The following SNRNP40 variants were observed in gnomAD, a reference collection of about 807,000 sequenced individuals.
The protein encoded by SNRNP40 is small nuclear ribonucleoprotein U5 subunit 40.
Under a neutral mutation model 45.8 loss-of-function variants are expected in SNRNP40, and 21 were observed. The ratio of observed to expected loss-of-function variants is 0.46; its 90% CI spans 0.32 to 0.66. The LOEUF is 0.66. Among genes scored for constraint, SNRNP40 ranks in the 30% least tolerant of loss-of-function variants. The pLI, the probability that SNRNP40 is intolerant of heterozygous loss-of-function variation, is 0.03. For missense variants in SNRNP40, 344 were observed against 439.1 expected, an observed-to-expected ratio of 0.78 and a Z score of 1.94; for synonymous variants, 142 against 163.8, an observed-to-expected ratio of 0.87 and a Z score of 1.01.
chr1:31,295,091 C>A (rs539603504), intron 1 of SNRNP40, among the ~76,000 whole-genome samples: 27 of 152,086 alleles, frequency 1.8e-4, no homozygotes, highest in Admixed American at 1.6e-3. Context: ...GTGTCATGTG[C>A]TATAGAGCAA....
rs985961193 is a variant in SNRNP40, at chr1:31,296,766, T to C, written c.-15A>G. The C allele has an allele frequency of 5.1e-6, 8 of 1,568,300 alleles. No individual in the cohort carries two copies. The highest frequency in any genetic ancestry group is 6.9e-6 in the Non-Finnish European group (8 of 1,155,784). Reference sequence around the variant, plus strand: ...TGTTCTATCATGGCGGCAACCGGTCTCTTCAGCGCCGCCACTGACCGCGCT... The same window carrying C: ...TGTTCTATCATGGCGGCAACCGGTCCCTTCAGCGCCGCCACTGACCGCGCT... On this transcript the variant is annotated 5_prime_UTR_variant, in exon 1 of 10. Coordinates refer to ENST00000263694, the MANE Select transcript of SNRNP40 (RefSeq NM_004814.3).
At chr1:31,291,008 G>T (rs958764940) in intron 3 of SNRNP40, among the ~76,000 whole-genome samples, 2 of 152,110 alleles carry the variant, frequency 1.3e-5, no homozygotes, top group African/African-American at 4.8e-5. Flanking sequence ...ACAGTGATTG[G>T]CCAGGCACGG....
intron 5 of SNRNP40, among the ~76,000 whole-genome samples, chr1:31,281,158 A>G (rs1284430618): frequency 6.6e-6 from 1 of 152,194 alleles, no homozygotes; most frequent in Non-Finnish European, 1.5e-5. Context: ...ACTTCACATT[A>G]AGTGCCTGGT....
intron 9 of SNRNP40, 106 bp downstream of exon 9, chr1:31,261,423 G>T: frequency 1.4e-6 from 1 of 702,900 alleles, no homozygotes. Context: ...AAGGCTGTTT[G>T]CATGGAAATT....
At chr1:31,286,064 T>C (rs1646054922) in intron 4 of SNRNP40, among the ~76,000 whole-genome samples, 1 of 152,036 alleles carries the variant, frequency 6.6e-6, no homozygotes, top group Non-Finnish European at 1.5e-5. Context: ...TTCCTTTTAA[T>C]GGAAAACAGT....
chr1:31,280,455 C>T (rs561472867), intron 5 of SNRNP40, among the ~76,000 whole-genome samples: 37 of 151,984 alleles, frequency 2.4e-4, no homozygotes, highest in African/African-American at 8.9e-4. Context: ...AGCCACCACA[C>T]CTGGCCAAAA....
At position 31,286,064 on chromosome 1, in the gene SNRNP40, T is replaced by G. The variant is rs1646054922; in HGVS notation, c.531+3190A>C. Among the ~76,000 whole-genome samples, 4 of 152,152 alleles carry G rather than the reference T, an allele frequency of 2.6e-5. No individual in the cohort carries two copies. The South Asian group carries it at 8.3e-4, about 32-fold the overall frequency. ...AAATAGGAGCCCTGGTTCCTTTTAATGGAAAACAGTACCTGTGCAGTAAGG... is the reference window on the plus strand; with the variant it reads ...AAATAGGAGCCCTGGTTCCTTTTAAGGGAAAACAGTACCTGTGCAGTAAGG... On this transcript the variant is annotated intron_variant, in intron 4 of 9. Transcript: ENST00000263694.
chr1:31,288,977 C>T (rs1291276561), intron 4 of SNRNP40, among the ~76,000 whole-genome samples: 2 of 152,192 alleles, frequency 1.3e-5, no homozygotes, highest in African/African-American at 4.8e-5. Flanking sequence ...GTGATCCACC[C>T]GCCTCGGCCT....
Position 31,291,931 on chromosome 1 carries a change from T to C in SNRNP40, c.347A>G (p.His116Arg). Residue 116 changes from histidine (H) to arginine (R), a missense_variant, in exon 3 of 10, where the codon CAT becomes CGT. His to Arg is a conservative substitution (Grantham distance 29, BLOSUM62 0). Transcript: ENST00000263694. ...KGHSGAVMELHYNTDGSMLFS... is the reference protein window; with the variant it reads ...KGHSGAVMELRYNTDGSMLFS... ...TACTCACCTGCCATCTGTGTTGTAA[T>C]GCAATTCCATCACTGCTCCACTGTG... 6.2e-7 allele frequency: 1 copy of C among 1,611,324 alleles called. No individual in the cohort carries two copies. The highest frequency in any genetic ancestry group is 8.5e-7 in the Non-Finnish European group (1 of 1,177,420).
intron 4 of SNRNP40, among the ~76,000 whole-genome samples, chr1:31,288,136 C>T (rs1646074552): frequency 6.6e-6 from 1 of 151,388 alleles, no homozygotes; most frequent in South Asian, 2.1e-4. Flanking sequence ...GCACTCCAGC[C>T]TGGGCGATAG....
chr1:31,286,163 G>C (rs1646057314), intron 4 of SNRNP40, among the ~76,000 whole-genome samples: 1 of 116,052 alleles, frequency 8.6e-6, no homozygotes, highest in Non-Finnish European at 2.2e-5. Context: ...TGTACATTTA[G>C]GTACACACAC....
chr1:31,285,117 T>TAATAA (rs1415291489), intron 4 of SNRNP40, among the ~76,000 whole-genome samples: 3 of 152,234 alleles, frequency 2.0e-5, no homozygotes, highest in Non-Finnish European at 4.4e-5. Flanking sequence ...TCCAGATAAC[T>TAATAA]ACCACTTTTA....
At chr1:31,280,872 A>G (rs1401438035) in intron 5 of SNRNP40, among the ~76,000 whole-genome samples, 1 of 152,128 alleles carries the variant, frequency 6.6e-6, no homozygotes, top group African/African-American at 2.4e-5. Flanking sequence ...AACTGGGATT[A>G]GAACCCAAGT....
At chr1:31,295,929 G>T (rs1197972517) in intron 1 of SNRNP40, among the ~76,000 whole-genome samples, 1 of 152,192 alleles carries the variant, frequency 6.6e-6, no homozygotes, top group East Asian at 1.9e-4. Context: ...GTATTTCCTC[G>T]TCTGAGCCTA....
chr1:31,278,424 T>C (rs1309663037), intron 5 of SNRNP40, among the ~76,000 whole-genome samples: 2 of 152,226 alleles, frequency 1.3e-5, no homozygotes, highest in Non-Finnish European at 2.9e-5. Flanking sequence ...AAAATTCTTA[T>C]AACTGTACAC....
chr1:31,291,334 T>C (rs898502471), intron 3 of SNRNP40, among the ~76,000 whole-genome samples: 8 of 150,312 alleles, frequency 5.3e-5, no homozygotes, highest in African/African-American at 1.5e-4. Flanking sequence ...GGTAGAAATA[T>C]AGACTATTTT....
chr1:31,293,286 T>C lies in SNRNP40; in HGVS notation c.204A>G (p.Glu68=), dbSNP rs1646119797. 6.2e-7 allele frequency: 1 copy of C among 1,613,976 alleles called. No homozygotes were observed. Among genetic ancestry groups the C allele is most frequent in the South Asian group, 1.1e-5 (1 of 91,074 alleles). Residue 68 remains glutamate (E), a synonymous_variant, in exon 2 of 10, where the codon GAA becomes GAG. Transcript: ENST00000263694. ...PIMLLSGHEG[E]VYCCKFHPNG... is the part of the protein sequence containing the mutation. Reference sequence around the variant, plus strand: ...TGGGGTGGAACTTGCAGCAGTAGACTTCCCCTTCATGTCCAGAGAGCAGCA... The same window carrying C: ...TGGGGTGGAACTTGCAGCAGTAGACCTCCCCTTCATGTCCAGAGAGCAGCA...
chr1:31,290,091 T>C (rs1225997481), intron 3 of SNRNP40, among the ~76,000 whole-genome samples: 2 of 152,156 alleles, frequency 1.3e-5, no homozygotes, highest in Admixed American at 6.5e-5. Flanking sequence ...TGAACTGGGC[T>C]CAAGCAATCT....
chr1:31,281,256 A>T, intron 5 of SNRNP40, 118 bp downstream of exon 5: 1 of 748,022 alleles, frequency 1.3e-6, no homozygotes, highest in Non-Finnish European at 2.1e-6. Context: ...GTTCCAAGTT[A>T]CTATTTTCCT....
Sources: gnomAD v4.1 joint callset for allele counts (sites outside exome capture counted in the v4.1 genomes callset) on GRCh38, gnomAD v4.1.1 for gene constraint, MANE v1.5 for transcripts, NCBI Gene and HGNC (gene_info 2026-07-23, HGNC 2026-07-21) for gene names.